The following IMMP2L variants were observed in gnomAD, a reference collection of about 807,000 sequenced individuals.
IMMP2L encodes inner mitochondrial membrane peptidase subunit 2.
A neutral mutation model predicts 19.3 loss-of-function variants in IMMP2L; 18 were observed. That is an observed-to-expected ratio of 0.93 (90% CI 0.64 to 1.38). IMMP2L has a LOEUF of 1.38. Among genes scored for constraint, IMMP2L ranks in the 40% most tolerant of loss-of-function variants. The pLI, the probability that IMMP2L is intolerant of heterozygous loss-of-function variation, is 0.00. For missense variants in IMMP2L, 233 were observed against 218.2 expected (o/e 1.07, Z -0.43); for synonymous variants, 76 against 73.0 (o/e 1.04, Z -0.21).
At chr7:111,292,942 C>G (rs1267064368) in intron 3 of IMMP2L, among the ~76,000 whole-genome samples, 2 of 151,932 alleles carry the variant, frequency 1.3e-5, no homozygotes, top group Admixed American at 1.3e-4. Context: ...AGAGCTCATT[C>G]CTCTATAGAA....
chr7:111,289,688 A>T (rs986008063), intron 3 of IMMP2L, among the ~76,000 whole-genome samples: 1 of 151,952 alleles, frequency 6.6e-6, no homozygotes, highest in Non-Finnish European at 1.5e-5. Context: ...CTACTGTTCT[A>T]TTTTGTTTTG....
chr7:110,764,575 A>G (rs1435636143), intron 5 of IMMP2L, among the ~76,000 whole-genome samples: 1 of 152,120 alleles, frequency 6.6e-6, no homozygotes, highest in Non-Finnish European at 1.5e-5. Context: ...TAATATCAAC[A>G]AATCCTGTAT....
chr7:111,255,023 T>C (rs1463696293), intron 3 of IMMP2L, among the ~76,000 whole-genome samples: 1 of 152,110 alleles, frequency 6.6e-6, no homozygotes, highest in Non-Finnish European at 1.5e-5. Context: ...TTTAAATTTT[T>C]AATCTATAAT....
At chr7:110,748,027 G>A (rs1797471061) in intron 5 of IMMP2L, among the ~76,000 whole-genome samples, 1 of 152,196 alleles carries the variant, frequency 6.6e-6, no homozygotes, top group South Asian at 2.1e-4. Flanking sequence ...ATCTCCTTAA[G>A]CTGATAAGCA....
At chr7:110,866,071 A>C (rs2129543336) in intron 5 of IMMP2L, among the ~76,000 whole-genome samples, 1 of 152,160 alleles carries the variant, frequency 6.6e-6, no homozygotes, top group Admixed American at 6.6e-5. Flanking sequence ...TTGAGTAATA[A>C]TTTAAAGACA....
chr7:110,941,683 C>G (rs2129553059), intron 4 of IMMP2L, among the ~76,000 whole-genome samples: 1 of 152,228 alleles, frequency 6.6e-6, no homozygotes, highest in East Asian at 1.9e-4. Flanking sequence ...TACCTTTATG[C>G]TTTTCAAGTT....
intron 3 of IMMP2L, among the ~76,000 whole-genome samples, chr7:111,312,049 A>G (rs1760818007): frequency 6.6e-6 from 1 of 152,168 alleles, no homozygotes; most frequent in Admixed American, 6.6e-5. Context: ...TTCCATGAGG[A>G]AAGCATTTGT....
At chr7:110,676,675 A>C (rs1792320986) in intron 5 of IMMP2L, among the ~76,000 whole-genome samples, 1 of 152,234 alleles carries the variant, frequency 6.6e-6, no homozygotes, top group Non-Finnish European at 1.5e-5. Context: ...AAACAGTATT[A>C]AGTAACAGGA....
Position 110,776,490 on chromosome 7 carries a change from G to A in IMMP2L, c.408+110103C>T, listed in dbSNP as rs534901097. Reference sequence around the variant, plus strand: ...CACCATCACCTGAGCAGAGCAGAAGGCTTTCTGATCCTACCACTATAATAC... The same window carrying A: ...CACCATCACCTGAGCAGAGCAGAAGACTTTCTGATCCTACCACTATAATAC... On this transcript the variant is annotated intron_variant, in intron 5 of 5. Coordinates refer to ENST00000405709, the MANE Select transcript of IMMP2L (RefSeq NM_032549.4). Among the ~76,000 whole-genome samples the A allele has an allele frequency of 9.2e-5, 14 of 152,094 alleles. No homozygotes were observed. The South Asian group carries it at 2.7e-3, about 29-fold the overall frequency.
chr7:111,289,776 C>G (rs1820887773), intron 3 of IMMP2L, among the ~76,000 whole-genome samples: 1 of 151,700 alleles, frequency 6.6e-6, no homozygotes, highest in African/African-American at 2.4e-5. Context: ...GGCTCTGCCT[C>G]CCCAGCTCAA....
At chr7:110,674,075 A>C (rs2130368890) in intron 5 of IMMP2L, among the ~76,000 whole-genome samples, 1 of 152,316 alleles carries the variant, frequency 6.6e-6, no homozygotes, top group East Asian at 1.9e-4. Context: ...GTATTTACAA[A>C]GGATAGAGGT....
At chr7:111,149,682 A>C (rs1562856886) in intron 3 of IMMP2L, among the ~76,000 whole-genome samples, 2 of 152,334 alleles carry the variant, frequency 1.3e-5, no homozygotes, top group East Asian at 3.9e-4. Flanking sequence ...ATCCACGTAC[A>C]GACGGACCCC....
intron 3 of IMMP2L, among the ~76,000 whole-genome samples, chr7:111,133,265 T>C (rs1445310136): frequency 6.6e-6 from 1 of 151,970 alleles, no homozygotes; most frequent in African/African-American, 2.4e-5. Flanking sequence ...GCAATTGCAA[T>C]TCAGGGAAAC....
intron 3 of IMMP2L, among the ~76,000 whole-genome samples, chr7:111,308,638 A>T (rs1048764339): frequency 5.3e-5 from 8 of 152,152 alleles, no homozygotes; most frequent in African/African-American, 1.9e-4. Context: ...CATACAAAAG[A>T]AAGAAAATTA....
chr7:111,520,636 T>C (rs1846241812), intron 2 of IMMP2L, among the ~76,000 whole-genome samples: 1 of 152,138 alleles, frequency 6.6e-6, no homozygotes, highest in African/African-American at 2.4e-5. Flanking sequence ...ATGAACTTAA[T>C]ACATATTGAT....
chr7:110,830,649 G>A (rs1444183036), intron 5 of IMMP2L, among the ~76,000 whole-genome samples: 3 of 152,106 alleles, frequency 2.0e-5, no homozygotes, highest in Non-Finnish European at 4.4e-5. Flanking sequence ...ACCATGAGGT[G>A]TGCAAGAAGC....
intron 4 of IMMP2L, among the ~76,000 whole-genome samples, chr7:110,891,098 GCCCTGAGGATGTTTACTGCT>G (rs1444723291): frequency 6.6e-6 from 1 of 151,740 alleles, no homozygotes; most frequent in Non-Finnish European, 1.5e-5. Flanking sequence ...AATAGTGGCT[GCCCTGAGGATGTTTACTGCT>G]CCCTGGATAC....
intron 2 of IMMP2L, among the ~76,000 whole-genome samples, chr7:111,490,218 A>C (rs1006695194): frequency 6.7e-6 from 1 of 150,274 alleles, no homozygotes; most frequent in African/African-American, 2.5e-5. Flanking sequence ...TCCAGTTCCC[A>C]GGTAGCTAGG....
At chr7:111,005,154 C>T (rs192931525) in intron 3 of IMMP2L, among the ~76,000 whole-genome samples, 1 of 152,122 alleles carries the variant, frequency 6.6e-6, no homozygotes, top group South Asian at 2.1e-4. Flanking sequence ...TTCAGTGGTT[C>T]ACTCTGTTGG....
Sources: allele counts gnomAD v4.1 joint callset (sites outside exome capture counted in the v4.1 genomes callset), GRCh38; gene constraint gnomAD v4.1.1; transcripts MANE v1.5; gene names NCBI Gene and HGNC (gene_info 2026-07-23, HGNC 2026-07-21).